The following NEK6 variants were observed in gnomAD, a reference collection of about 807,000 sequenced individuals.
The protein encoded by NEK6 is NIMA related kinase 6, also known as serine/threonine-protein kinase Nek6.
NEK6 carries 27 observed loss-of-function variants against 43.5 expected under a neutral mutation model. That is an observed-to-expected ratio of 0.62 (90% CI 0.46 to 0.86). NEK6 has a LOEUF of 0.86. Among genes scored for constraint, NEK6 ranks in the 40% least tolerant of loss-of-function variants. NEK6 has a pLI of 0.00. For missense variants in NEK6, 318 were observed against 414.4 expected (o/e 0.77, Z 2.02); for synonymous variants, 167 against 164.1 (o/e 1.02, Z -0.14).
chr9:124,279,308 T>TC (rs1177926782), intron 1 of NEK6, among the ~76,000 whole-genome samples: 1 of 150,416 alleles, frequency 6.6e-6, no homozygotes, highest in African/African-American at 2.4e-5. Flanking sequence ...CCCTTTTTTT[T>TC]TTTTTTTTTT....
At chr9:124,285,232 G>A (rs1832100947) in intron 1 of NEK6, among the ~76,000 whole-genome samples, 1 of 152,212 alleles carries the variant, frequency 6.6e-6, no homozygotes, top group Non-Finnish European at 1.5e-5. Flanking sequence ...CGGGTGCTCT[G>A]AGGTCAGACT....
At chr9:124,325,784 A>G (rs934744475) in intron 5 of NEK6, among the ~76,000 whole-genome samples, 1 of 152,232 alleles carries the variant, frequency 6.6e-6, no homozygotes, top group African/African-American at 2.4e-5. Flanking sequence ...TGAGTGCGTC[A>G]AGCCCATTTC....
intron 2 of NEK6, among the ~76,000 whole-genome samples, chr9:124,302,829 G>C: frequency 6.6e-6 from 1 of 152,258 alleles, no homozygotes; most frequent in East Asian, 1.9e-4. Flanking sequence ...TCCTGGGTCT[G>C]CCTCACTTTC....
intron 8 of NEK6, among the ~76,000 whole-genome samples, chr9:124,342,963 T>TGGTTCCCAGCCCCGTTCCCTGC (rs1191289893): frequency 2.0e-5 from 3 of 152,064 alleles, no homozygotes; most frequent in Non-Finnish European, 4.4e-5. Flanking sequence ...ACCGGCCCTG[T>TGGTTCCCAGCCCCGTTCCCTGC]GGTTCCCAGC....
intron 1 of NEK6, among the ~76,000 whole-genome samples, chr9:124,298,012 T>G (rs1832778111): frequency 6.6e-6 from 1 of 152,178 alleles, no homozygotes; most frequent in Non-Finnish European, 1.5e-5. Flanking sequence ...GGCAGTAGAT[T>G]CCTTGGAACA....
At chr9:124,302,122 T>C in intron 2 of NEK6, 68 bp downstream of exon 2, 1 of 1,214,850 alleles carries the variant, frequency 8.2e-7, no homozygotes, top group South Asian at 1.4e-5. Flanking sequence ...CTGAGCCTCC[T>C]TTGTCCAAAC....
At chr9:124,332,085 G>GGAGGGAAGGA (rs1450869637) in intron 7 of NEK6, among the ~76,000 whole-genome samples, 2 of 152,238 alleles carry the variant, frequency 1.3e-5, no homozygotes, top group Non-Finnish European at 2.9e-5. Context: ...TGCCAAGAGG[G>GGAGGGAAGGA]GAGGGAAGGA....
At chr9:124,292,332 C>T (rs927831146) in intron 1 of NEK6, 9 of 1,448,590 alleles carry the variant, frequency 6.2e-6, no homozygotes, top group Non-Finnish European at 8.2e-6. Context: ...CTGCTGATGG[C>T]TGCTTTCACA....
intron 1 of NEK6, among the ~76,000 whole-genome samples, chr9:124,263,190 T>C (rs1218986936): frequency 6.6e-6 from 1 of 152,236 alleles, no homozygotes; most frequent in Non-Finnish European, 1.5e-5. Context: ...AGGAATTCAC[T>C]GGGCTCCCAA....
intron 1 of NEK6, among the ~76,000 whole-genome samples, chr9:124,284,505 T>C (rs1832065930): frequency 6.6e-6 from 1 of 152,260 alleles, no homozygotes; most frequent in Admixed American, 6.5e-5. Context: ...GTTTAATGAT[T>C]ATCCAATGTT....
chr9:124,328,038 C>G (rs1452864758), intron 7 of NEK6, among the ~76,000 whole-genome samples: 1 of 152,076 alleles, frequency 6.6e-6, no homozygotes, highest in Non-Finnish European at 1.5e-5. Flanking sequence ...GCATGAAAAG[C>G]GGGCAGGGCC....
At chr9:124,310,684 G>A (rs1293314932) in intron 2 of NEK6, among the ~76,000 whole-genome samples, 6 of 152,116 alleles carry the variant, frequency 3.9e-5, no homozygotes, top group African/African-American at 1.2e-4. Context: ...TGCAACCTCC[G>A]CCTCCCAGGT....
intron 1 of NEK6, among the ~76,000 whole-genome samples, chr9:124,264,206 T>C (rs1301467333): frequency 6.6e-6 from 1 of 152,210 alleles, no homozygotes; most frequent in Non-Finnish European, 1.5e-5. Context: ...GAGAGATCCT[T>C]GTCCTCCGGA....
At chr9:124,295,111 A>C (rs1564628191) in intron 1 of NEK6, among the ~76,000 whole-genome samples, 1 of 152,210 alleles carries the variant, frequency 6.6e-6, no homozygotes, top group South Asian at 2.1e-4. Flanking sequence ...CACCACCCTG[A>C]GGAAGGGGGC....
chr9:124,284,563 A>G (rs1208768107), intron 1 of NEK6, among the ~76,000 whole-genome samples: 1 of 152,254 alleles, frequency 6.6e-6, no homozygotes, highest in African/African-American at 2.4e-5. Context: ...GGCGTTCAGC[A>G]CAAAATTCCC....
At position 124,350,824 on chromosome 9, in the gene NEK6, C is replaced by T; in HGVS notation, c.832-13C>T. On this transcript the variant is annotated splice_polypyrimidine_tract_variant and intron_variant, in intron 9 of 9. Coordinates refer to ENST00000320246, the MANE Select transcript of NEK6 (RefSeq NM_014397.6). ...GCTTTCTTGAGAATAACACACCATT[C>T]TCTCCCCTGCAGTTACGAGAACTGG... 1 of 1,593,250 alleles carries T rather than the reference C, an allele frequency of 6.3e-7. No homozygotes were observed. The highest frequency in any genetic ancestry group is 8.6e-7 in the Non-Finnish European group (1 of 1,162,542).
intron 1 of NEK6, among the ~76,000 whole-genome samples, chr9:124,260,526 A>G (rs1204604649): frequency 6.6e-6 from 1 of 152,094 alleles, no homozygotes; most frequent in African/African-American, 2.4e-5. Context: ...CCTCCTGAGT[A>G]GCTGGGATTA....
intron 3 of NEK6, 118 bp from the exon 4 acceptor site, chr9:124,313,805 C>T (rs1833672461): frequency 1.0e-6 from 1 of 970,518 alleles, no homozygotes. Flanking sequence ...GGGGGGGTCA[C>T]AGAGTCCCTT....
chr9:124,293,977 G>A (rs116392940), intron 1 of NEK6, among the ~76,000 whole-genome samples: 3,219 of 152,344 alleles, frequency 0.021, 132 homozygotes, highest in African/African-American at 0.073. Context: ...CAGAGTCCTC[G>A]CAGCCTCCCT....
Sources: allele counts gnomAD v4.1 joint callset (sites outside exome capture counted in the v4.1 genomes callset), GRCh38; gene constraint gnomAD v4.1.1; transcripts MANE v1.5; gene names NCBI Gene and HGNC (gene_info 2026-07-23, HGNC 2026-07-21).